NBAS: variants seen among roughly 807,000 people sequenced by gnomAD.
NBAS encodes NAG/BC035112 fusion.
NBAS carries 219 observed loss-of-function variants against 302.5 expected under a neutral mutation model. The observed-to-expected ratio is 0.72, with a 90% CI of 0.65 to 0.81. The LOEUF is 0.81. NBAS is among the 30% of genes least tolerant of loss of function. The pLI, the probability that NBAS is intolerant of heterozygous loss-of-function variation, is 0.00. For synonymous variants in NBAS, 1,118 were observed against 1,021.6 expected, an observed-to-expected ratio of 1.09 and a Z score of -1.80; for missense variants, 2,932 against 2,841.6, an observed-to-expected ratio of 1.03 and a Z score of -0.72.
At chr2:15,410,933 G>A (rs1676654623) in intron 25 of NBAS, among the ~76,000 whole-genome samples, 1 of 152,238 alleles carries the variant, frequency 6.6e-6, no homozygotes, top group Non-Finnish European at 1.5e-5. Flanking sequence ...TGGGTCTCCT[G>A]CAGTTCCGTG....
At chr2:15,386,770 T>C (rs965359672) in intron 28 of NBAS, among the ~76,000 whole-genome samples, 6 of 152,244 alleles carry the variant, frequency 3.9e-5, no homozygotes, top group Admixed American at 6.5e-5. Flanking sequence ...GGATATCATC[T>C]AACTGAAATG....
chr2:15,556,860 T>C, intron 2 of NBAS, 41 bp from the exon 3 acceptor site: 1 of 1,480,558 alleles, frequency 6.8e-7, no homozygotes, highest in South Asian at 1.1e-5. Context: ...ATAAATCAGC[T>C]GTTAAGAATC....
the NBAS span, among the ~76,000 whole-genome samples, chr2:14,784,315 G>A: frequency 4.3e-3 from 648 of 152,148 alleles, 5 homozygotes; most frequent in African/African-American, 0.014. Context: ...GAAGCTCTTT[G>A]GTTTAATTAG....
intron 35 of NBAS, among the ~76,000 whole-genome samples, chr2:15,340,507 G>A (rs372272068): frequency 3.3e-5 from 5 of 152,258 alleles, no homozygotes; most frequent in African/African-American, 1.2e-4. Flanking sequence ...TTGAGATTGG[G>A]TTGTCTATAA....
chr2:14,973,610 C>A, the NBAS span, among the ~76,000 whole-genome samples: 1 of 152,102 alleles, frequency 6.6e-6, no homozygotes, highest in Non-Finnish European at 1.5e-5. Context: ...AACTACAGAA[C>A]AGGAACAATG....
At chr2:15,296,140 C>G (rs1395028587) in intron 40 of NBAS, among the ~76,000 whole-genome samples, 1 of 152,134 alleles carries the variant, frequency 6.6e-6, no homozygotes, top group East Asian at 1.9e-4. Context: ...CAGTTGATTC[C>G]CTTTCTTGAT....
the NBAS span, among the ~76,000 whole-genome samples, chr2:15,088,444 T>C: frequency 2.6e-5 from 4 of 152,212 alleles, no homozygotes; most frequent in African/African-American, 9.7e-5. Context: ...TGAATGACCC[T>C]TGAAAGTGGA....
the NBAS span, among the ~76,000 whole-genome samples, chr2:15,161,108 G>C: frequency 6.6e-6 from 1 of 152,130 alleles, no homozygotes; most frequent in Non-Finnish European, 1.5e-5. Flanking sequence ...TTGGGCTTTG[G>C]AATCAGAATG....
At chr2:15,039,067 T>C in the NBAS span, among the ~76,000 whole-genome samples, 3 of 152,106 alleles carry the variant, frequency 2.0e-5, no homozygotes, top group Non-Finnish European at 4.4e-5. Flanking sequence ...AAAATAGACA[T>C]AGTGGACATA....
intron 14 of NBAS, among the ~76,000 whole-genome samples, 188 bp from the exon 15 acceptor site, chr2:15,474,512 T>C (rs1051495171): frequency 1.3e-5 from 2 of 152,084 alleles, no homozygotes; most frequent in East Asian, 3.8e-4. Context: ...AATATGCACA[T>C]ACATTATCAG....
In NBAS at chr2:15,276,298, T is replaced by C. The variant is rs541841834; in HGVS notation, c.5390-480A>G. Among the ~76,000 whole-genome samples, 4 of 152,334 alleles carry C rather than the reference T, an allele frequency of 2.6e-5. No individual in the cohort carries two copies. The South Asian group carries it at 8.3e-4, about 32-fold the overall frequency. On this transcript the variant is annotated intron_variant, in intron 43 of 51. Coordinates refer to ENST00000281513, the MANE Select transcript of NBAS (RefSeq NM_015909.4). ...GATAAACTGATGGGAACTCTCACAA[T>C]TATTATGAATATCAAACAAACAGAT...
At chr2:15,411,173 G>A (rs991011386) in intron 25 of NBAS, among the ~76,000 whole-genome samples, 4 of 152,136 alleles carry the variant, frequency 2.6e-5, no homozygotes, top group African/African-American at 4.8e-5. Flanking sequence ...ATCGGCTCCA[G>A]GGTCAGCTGA....
chr2:14,957,363 T>C, the NBAS span, among the ~76,000 whole-genome samples: 28 of 151,984 alleles, frequency 1.8e-4, no homozygotes, highest in African/African-American at 6.5e-4. Flanking sequence ...CGTGACAAGG[T>C]ACAACAGAAT....
chr2:15,186,245 T>C (rs1300955143), intron 50 of NBAS, among the ~76,000 whole-genome samples: 3 of 151,776 alleles, frequency 2.0e-5, no homozygotes, highest in East Asian at 3.9e-4. Context: ...TGGCATCAAA[T>C]AGAGAACAAA....
At chr2:15,034,335 G>GGCAA in the NBAS span, among the ~76,000 whole-genome samples, 28 of 151,598 alleles carry the variant, frequency 1.8e-4, no homozygotes, top group African/African-American at 6.8e-4. Context: ...CAGGCAGGCA[G>GGCAA]GCAAGCAAGC....
At chr2:15,042,371 G>A in the NBAS span, among the ~76,000 whole-genome samples, 1 of 152,202 alleles carries the variant, frequency 6.6e-6, no homozygotes, top group Non-Finnish European at 1.5e-5. Flanking sequence ...TTATTACAGA[G>A]GCTGTTAACT....
intron 21 of NBAS, among the ~76,000 whole-genome samples, chr2:15,439,159 C>A (rs78128523): frequency 6.6e-6 from 1 of 151,778 alleles, no homozygotes; most frequent in African/African-American, 2.4e-5. Context: ...AAAAATTAGC[C>A]GGGTGCAGTG....
rs764742887 is a variant in NBAS at position 15,536,476 on chromosome 2, A to C, written c.589T>G (p.Trp197Gly). The C allele has an allele frequency of 1.2e-6, 2 of 1,613,526 alleles. No homozygotes were observed. Among genetic ancestry groups the C allele is most frequent in the African/African-American group, 2.7e-5 (2 of 74,888 alleles). ...IFLEYKASAQ[W>G]SAELLVINYR... ...TTGATGACCAGGAGTTCTGCAGACC[A>C]CTGTGCACTTGCTTTATATTCTAAA... The change falls in exon 8 of 52, where the codon TGG becomes GGG. Residue 197 changes from tryptophan to glycine, a missense_variant. Trp to Gly is a radical substitution (Grantham distance 184, BLOSUM62 -2). Transcript: ENST00000281513.
chr2:15,232,167 T>C (rs1667407387), intron 47 of NBAS, among the ~76,000 whole-genome samples: 1 of 152,100 alleles, frequency 6.6e-6, no homozygotes, highest in Admixed American at 6.5e-5. Context: ...CCTGACAGAA[T>C]GATCATGATG....
Sources: gnomAD v4.1 joint callset for allele counts (sites outside exome capture counted in the v4.1 genomes callset) on GRCh38, gnomAD v4.1.1 for gene constraint, MANE v1.5 for transcripts, NCBI Gene and HGNC (gene_info 2026-07-23, HGNC 2026-07-21) for gene names.